MAN1A1: variants seen among roughly 807,000 people sequenced by gnomAD.
The protein encoded by MAN1A1 is mannosidase alpha class 1A member 1.
Under a neutral mutation model 70.8 loss-of-function variants are expected in MAN1A1, and 29 were observed. That is an observed-to-expected ratio of 0.41 (90% CI 0.31 to 0.56). The LOEUF is 0.56. Ranked by LOEUF, MAN1A1 falls within the 20% of genes least tolerant of loss-of-function variation. MAN1A1 has a pLI of 0.29. For synonymous variants in MAN1A1, 349 were observed against 330.1 expected (o/e 1.06, Z -0.62); for missense variants, 747 against 841.3 (o/e 0.89, Z 1.39).
At chr6:119,214,696 G>A (rs556897863) in intron 6 of MAN1A1, among the ~76,000 whole-genome samples, 79 of 151,970 alleles carry the variant, frequency 5.2e-4, no homozygotes, top group African/African-American at 1.8e-3. Flanking sequence ...GGTATAGACG[G>A]GGTTTCACCA....
chr6:119,221,464 T>C (rs1429206442), intron 6 of MAN1A1, among the ~76,000 whole-genome samples: 1 of 135,834 alleles, frequency 7.4e-6, no homozygotes, highest in Non-Finnish European at 1.6e-5. Context: ...AGAGACCCAT[T>C]TTCTTTTCTT....
intron 6 of MAN1A1, among the ~76,000 whole-genome samples, chr6:119,229,087 T>C (rs1478084575): frequency 6.6e-6 from 1 of 152,170 alleles, no homozygotes; most frequent in Non-Finnish European, 1.5e-5. Context: ...ATGACTTACC[T>C]CAAATTATTT....
chr6:119,303,732 T>A (rs1772455453), intron 3 of MAN1A1, among the ~76,000 whole-genome samples: 1 of 152,104 alleles, frequency 6.6e-6, no homozygotes, highest in African/African-American at 2.4e-5. Context: ...CTATTGTTGA[T>A]ATGTCAGCCG....
chr6:119,231,989 G>T (rs1774690263), intron 6 of MAN1A1, among the ~76,000 whole-genome samples: 1 of 152,044 alleles, frequency 6.6e-6, no homozygotes, highest in Non-Finnish European at 1.5e-5. Flanking sequence ...TTAATGAAAG[G>T]TGGTTGTATA....
intron 2 of MAN1A1, among the ~76,000 whole-genome samples, chr6:119,339,935 AC>A (rs1283363318): frequency 2.6e-5 from 4 of 152,128 alleles, no homozygotes; most frequent in Admixed American, 2.6e-4. Flanking sequence ...TACCAAAAAT[AC>A]AAAAATTAGC....
At chr6:119,186,407 G>A (rs1773292669) in intron 11 of MAN1A1, among the ~76,000 whole-genome samples, 2 of 152,122 alleles carry the variant, frequency 1.3e-5, no homozygotes, top group African/African-American at 2.4e-5. Flanking sequence ...ATCAGGAAGT[G>A]GGCAAGTGGG....
intron 6 of MAN1A1, among the ~76,000 whole-genome samples, chr6:119,241,587 T>C (rs1298197072): frequency 1.3e-5 from 2 of 152,230 alleles, no homozygotes; most frequent in Non-Finnish European, 2.9e-5. Context: ...AATTGTTATA[T>C]ATTCTAAAGT....
At chr6:119,284,572 C>T (rs1419331522) in intron 5 of MAN1A1, among the ~76,000 whole-genome samples, 1 of 151,896 alleles carries the variant, frequency 6.6e-6, no homozygotes, top group Non-Finnish European at 1.5e-5. Context: ...TTTTTTTCCC[C>T]TAAATTACTG....
chr6:119,221,472 C>CTTTTTT (rs5879491), intron 6 of MAN1A1, among the ~76,000 whole-genome samples: 26 of 130,368 alleles, frequency 2.0e-4, no homozygotes, highest in Non-Finnish European at 2.7e-4. Context: ...ATTTTCTTTT[C>CTTTTTT]TTTTTTTTTT....
chr6:119,193,269 C>T (rs565843425), intron 9 of MAN1A1, among the ~76,000 whole-genome samples: 1 of 152,188 alleles, frequency 6.6e-6, no homozygotes, highest in East Asian at 1.9e-4. Flanking sequence ...CCTCTTACTT[C>T]TCCACTGTAA....
At position 119,179,660 on chromosome 6, in the gene MAN1A1, C is replaced by T. The variant is rs1052158639; in HGVS notation, c.*159G>A. On this transcript the variant is annotated 3_prime_UTR_variant, in exon 13 of 13. Coordinates refer to ENST00000368468, the MANE Select transcript of MAN1A1 (RefSeq NM_005907.4). ...GGATATGATAAGGAATTTAGGTCCA[C>T]CTATACCTATGATAATAAACATAAA... is the stretch of plus-strand genomic sequence containing the variant. The T allele has an allele frequency of 3.5e-6, 2 of 566,458 alleles. No individual in the cohort carries two copies. Among genetic ancestry groups the T allele is most frequent in the Admixed American group, 6.1e-5 (2 of 32,528 alleles). The allele number at this position is 566,458 out of a possible 1,614,324, so 35.1% of individuals were successfully genotyped here. A position where few individuals can be genotyped will look rare whatever the true frequency, so the allele number is the denominator to read the frequency against.
chr6:119,238,550 T>C (rs1774918204), intron 6 of MAN1A1, among the ~76,000 whole-genome samples: 1 of 152,190 alleles, frequency 6.6e-6, no homozygotes, highest in Non-Finnish European at 1.5e-5. Flanking sequence ...ATTATAGTAA[T>C]TGCACAGGGT....
At chr6:119,333,545 A>AT (rs1773376937) in intron 2 of MAN1A1, among the ~76,000 whole-genome samples, 1 of 152,262 alleles carries the variant, frequency 6.6e-6, no homozygotes, top group South Asian at 2.1e-4. Flanking sequence ...GATTAAGAGC[A>AT]TGGGTAAAGT....
In MAN1A1 at chr6:119,180,223, A is replaced by G. The variant is rs939584009; in HGVS notation, c.1835+89T>C. On this transcript the variant is annotated intron_variant, in intron 12 of 12. Coordinates refer to ENST00000368468, the MANE Select transcript of MAN1A1 (RefSeq NM_005907.4). ...TGATATTCTGAATCAGGCATACTTG[A>G]TATTACTTGAATGTGTTCATGATAA... The G allele has an allele frequency of 2.7e-5, 24 of 894,742 alleles. No homozygotes were observed. In the East Asian group the frequency reaches 4.8e-4, roughly 18 times the overall value. 55.4% of individuals were successfully genotyped at this position (894,742 alleles called of 1,614,324 possible). A position where few individuals can be genotyped will look rare whatever the true frequency, so the allele number is the denominator to read the frequency against.
At chr6:119,183,523 C>T (rs1773208544) in intron 11 of MAN1A1, among the ~76,000 whole-genome samples, 1 of 152,088 alleles carries the variant, frequency 6.6e-6, no homozygotes, top group Non-Finnish European at 1.5e-5. Flanking sequence ...ATGGGAAACC[C>T]TATTTCCGGA....
chr6:119,272,167 A>G (rs1775943343), intron 5 of MAN1A1, among the ~76,000 whole-genome samples: 2 of 152,208 alleles, frequency 1.3e-5, no homozygotes, highest in African/African-American at 2.4e-5. Context: ...ATAAAGTAAA[A>G]TATTACAAAA....
chr6:119,262,297 G>A (rs1223948614), intron 5 of MAN1A1, among the ~76,000 whole-genome samples: 1 of 152,032 alleles, frequency 6.6e-6, no homozygotes, highest in Non-Finnish European at 1.5e-5. Flanking sequence ...TACCATTGAG[G>A]GCAAATGGCT....
At chr6:119,278,663 C>A (rs1219808393) in intron 5 of MAN1A1, among the ~76,000 whole-genome samples, 4 of 152,076 alleles carry the variant, frequency 2.6e-5, no homozygotes, top group Non-Finnish European at 5.9e-5. Flanking sequence ...AATGTGCCCC[C>A]CCCAGTGTTG....
intron 6 of MAN1A1, among the ~76,000 whole-genome samples, chr6:119,245,562 T>C (rs946088289): frequency 4.6e-5 from 7 of 151,972 alleles, no homozygotes; most frequent in African/African-American, 1.7e-4. Context: ...ATTCAAGGAG[T>C]GTACTTGATT....
Sources: allele counts gnomAD v4.1 joint callset (sites outside exome capture counted in the v4.1 genomes callset), GRCh38; gene constraint gnomAD v4.1.1; transcripts MANE v1.5; gene names NCBI Gene and HGNC (gene_info 2026-07-23, HGNC 2026-07-21).